The following ATG7 variants were observed in gnomAD, a reference collection of about 807,000 sequenced individuals.
ATG7 encodes autophagy related 7.
Under a neutral mutation model 82.4 loss-of-function variants are expected in ATG7, and 70 were observed. That is an observed-to-expected ratio of 0.85 (90% CI 0.70 to 1.04). The LOEUF (loss-of-function observed/expected upper bound fraction) is 1.04, where lower values mean the gene tolerates loss of function less well. Among genes scored for constraint, ATG7 ranks in the 50% least tolerant of loss-of-function variants. The pLI is 0.00. For synonymous variants in ATG7, 287 were observed against 313.0 expected (o/e 0.92, Z 0.88); for missense variants, 792 against 864.3 (o/e 0.92, Z 1.05).
chr3:11,314,572 G>A (rs1232916469), intron 8 of ATG7, among the ~76,000 whole-genome samples: 1 of 152,008 alleles, frequency 6.6e-6, no homozygotes, highest in Non-Finnish European at 1.5e-5. Flanking sequence ...TTATTGCTGT[G>A]GTGCTTGCAT....
chr3:11,349,007 G>A (rs1288262690), intron 14 of ATG7, among the ~76,000 whole-genome samples: 1 of 152,082 alleles, frequency 6.6e-6, no homozygotes, highest in Non-Finnish European at 1.5e-5. Flanking sequence ...GCTGATTGGT[G>A]TGTTTACAAT....
chr3:11,333,223 A>G lies in ATG7; in HGVS notation c.889+130A>G, dbSNP rs530856878. On this transcript the variant is annotated intron_variant, in intron 11 of 20. Coordinates refer to ENST00000693202, the MANE Select transcript of ATG7 (RefSeq NM_001349232.2). Reference sequence around the variant, plus strand: ...AAAGTACAACTTGTACCTCTTTGCCAATGCAGACACCTACTTCGAACAGAG... The same window carrying G: ...AAAGTACAACTTGTACCTCTTTGCCGATGCAGACACCTACTTCGAACAGAG... The G allele has an allele frequency of 8.7e-5, 106 of 1,216,334 alleles. 1 individual carries two copies. The South Asian group carries it at 9.3e-4, about 11-fold the overall frequency. The allele number at this position is 1,216,334 out of a possible 1,614,324, so 75.3% of individuals were successfully genotyped here.
At chr3:11,503,300 A>C (rs1192718351) in intron 20 of ATG7, among the ~76,000 whole-genome samples, 1 of 152,218 alleles carries the variant, frequency 6.6e-6, no homozygotes, top group Non-Finnish European at 1.5e-5. Flanking sequence ...GACTAGACTA[A>C]ATTTGAAGGA....
chr3:11,472,588 G>A (rs1167546847), intron 20 of ATG7, among the ~76,000 whole-genome samples: 2 of 152,188 alleles, frequency 1.3e-5, no homozygotes, highest in East Asian at 3.8e-4. Context: ...AAAGGGCTGA[G>A]CAAGCAGAGC....
chr3:11,446,966 T>C (rs2084625083), intron 20 of ATG7: 1 of 152,788 alleles, frequency 6.5e-6, no homozygotes, highest in Non-Finnish European at 1.5e-5. Context: ...TGGTGTTTTT[T>C]AGTGTCCGTC....
At chr3:11,309,457 T>TG (rs961939125) in intron 7 of ATG7, among the ~76,000 whole-genome samples, 8 of 149,938 alleles carry the variant, frequency 5.3e-5, no homozygotes, top group Non-Finnish European at 1.0e-4. Context: ...GTTGATTTTT[T>TG]TTTTTTGTTT....
intron 20 of ATG7, among the ~76,000 whole-genome samples, chr3:11,545,313 C>T (rs1354635059): frequency 6.6e-6 from 1 of 152,194 alleles, no homozygotes; most frequent in Non-Finnish European, 1.5e-5. Flanking sequence ...CAGTCTGATG[C>T]CCTGTGGGTG....
chr3:11,574,840 T>TGTGTGTGTGTGTGTGTGTGTG, the ATG7 span, among the ~76,000 whole-genome samples: 2 of 145,846 alleles, frequency 1.4e-5, no homozygotes, highest in East Asian at 2.0e-4. Flanking sequence ...TGTGTGTGTA[T>TGTGTGTGTGTGTGTGTGTGTG]TTTAAAAGCT....
chr3:11,458,785 A>G (rs1559667370), intron 20 of ATG7, among the ~76,000 whole-genome samples: 2 of 152,232 alleles, frequency 1.3e-5, no homozygotes, highest in Non-Finnish European at 2.9e-5. Flanking sequence ...CCCAACCCCC[A>G]GGCCATGGAC....
intron 19 of ATG7, among the ~76,000 whole-genome samples, chr3:11,417,768 T>C (rs753148391): frequency 2.0e-5 from 3 of 149,168 alleles, no homozygotes; most frequent in Non-Finnish European, 3.0e-5. Context: ...CTTTTGTGGT[T>C]TACCAGCATT....
intron 20 of ATG7, among the ~76,000 whole-genome samples, chr3:11,465,107 G>GTGTGTGTGTGTGTGTC (rs1306735473): frequency 2.6e-5 from 4 of 151,582 alleles, no homozygotes; most frequent in African/African-American, 7.3e-5. Flanking sequence ...GTGTGTGTGT[G>GTGTGTGTGTGTGTGTC]TGTGTGTAAG....
chr3:11,341,401 T>C (rs1386738496), intron 12 of ATG7, among the ~76,000 whole-genome samples: 2 of 151,916 alleles, frequency 1.3e-5, no homozygotes, highest in African/African-American at 4.8e-5. Flanking sequence ...AATTATTTCA[T>C]GGAAGCCAGT....
intron 3 of ATG7, among the ~76,000 whole-genome samples, chr3:11,291,924 A>G (rs1295727574): frequency 6.6e-6 from 1 of 152,252 alleles, no homozygotes; most frequent in Non-Finnish European, 1.5e-5. Context: ...TTCTCTGTGT[A>G]GTAAGGCCAG....
intron 20 of ATG7, among the ~76,000 whole-genome samples, chr3:11,433,010 G>A (rs989574655): frequency 1.3e-4 from 20 of 152,056 alleles, no homozygotes; most frequent in African/African-American, 4.6e-4. Context: ...GCTGCATTTG[G>A]GATGGGTACA....
At chr3:11,493,621 TAAAATCAGGATCAGA>T (rs2090580323) in intron 20 of ATG7, among the ~76,000 whole-genome samples, 2 of 152,090 alleles carry the variant, frequency 1.3e-5, no homozygotes, top group South Asian at 4.1e-4. Context: ...GGATGAGTAG[TAAAATCAGGATCAGA>T]GAGATCAGGA....
chr3:11,486,170 A>G, intron 20 of ATG7, among the ~76,000 whole-genome samples: 1 of 152,184 alleles, frequency 6.6e-6, no homozygotes. Context: ...CTTCCTACCC[A>G]TGAGGATGGA....
chr3:11,565,555 C>T, the ATG7 span, among the ~76,000 whole-genome samples: 1 of 152,228 alleles, frequency 6.6e-6, no homozygotes, highest in Non-Finnish European at 1.5e-5. This position sits in a 1 kb window ranked among gnomAD's most constrained non-coding sequence, Gnocchi z 4.1. Flanking sequence ...AACCCCAAGA[C>T]TCAAGAGTGG....
At chr3:11,571,837 T>G in the ATG7 span, among the ~76,000 whole-genome samples, 14 of 152,198 alleles carry the variant, frequency 9.2e-5, no homozygotes, top group Non-Finnish European at 1.8e-4. Context: ...CCGGGCACAG[T>G]GGCTCACACC....
At chr3:11,525,317 C>T (rs1341280323) in intron 20 of ATG7, among the ~76,000 whole-genome samples, 6 of 151,468 alleles carry the variant, frequency 4.0e-5, no homozygotes, top group Admixed American at 6.6e-5. Context: ...AGGTATGAGC[C>T]ACTGTACCCA....
Sources: allele counts gnomAD v4.1 joint callset (sites outside exome capture counted in the v4.1 genomes callset), GRCh38; gene constraint gnomAD v4.1.1; non-coding constraint Gnocchi (gnomAD v3.1); transcripts MANE v1.5; gene names NCBI Gene and HGNC (gene_info 2026-07-23, HGNC 2026-07-21).